The following MYT1L variants were observed in gnomAD, a reference collection of about 807,000 sequenced individuals.
MYT1L encodes myelin transcription factor 1-like protein.
In MYT1L, 12 loss-of-function variants were observed where a neutral mutation model predicts 126.7. The ratio of observed to expected loss-of-function variants is 0.09; its 90% CI spans 0.06 to 0.15. MYT1L has a LOEUF of 0.15. MYT1L is among the 10% of genes least tolerant of loss of function. The pLI is 1.00. For synonymous variants in MYT1L, 541 were observed against 604.2 expected (o/e 0.90, Z 1.53); for missense variants, 979 against 1,585.2 (o/e 0.62, Z 6.49).
chr2:1,872,101 T>G (rs1422024520), intron 18 of MYT1L, among the ~76,000 whole-genome samples: 1 of 152,142 alleles, frequency 6.6e-6, no homozygotes, highest in Non-Finnish European at 1.5e-5. Context: ...AGTCTAATCT[T>G]CTGTAAAAGA....
chr2:1,959,612 G>A (rs961853031), intron 8 of MYT1L, among the ~76,000 whole-genome samples: 5 of 152,192 alleles, frequency 3.3e-5, no homozygotes, highest in African/African-American at 1.2e-4. Flanking sequence ...GTCAGCAGGA[G>A]GGTCTCCTCC....
At chr2:2,218,467 C>T (rs1466930043) in intron 2 of MYT1L, among the ~76,000 whole-genome samples, 1 of 152,114 alleles carries the variant, frequency 6.6e-6, no homozygotes, top group East Asian at 1.9e-4. Flanking sequence ...ACAGGAAAAA[C>T]TACATACTAT....
chr2:2,271,400 T>C (rs769975601), intron 2 of MYT1L, among the ~76,000 whole-genome samples: 1 of 152,170 alleles, frequency 6.6e-6, no homozygotes, highest in Non-Finnish European at 1.5e-5. Flanking sequence ...TGTGATATGA[T>C]AAAGGATGGC....
rs1487141299 is a variant in MYT1L, at chr2:1,943,112, C to T, written c.375G>A (p.Glu125=). ...CCTCCTCCTCCTCCCGGTCCCCCTC[C>T]TCGTCCTCCTCGTCCTCATCCCCTG... ...DEPGDEDEED[E]EGDREEEEEI... is the part of the protein sequence containing the mutation. Residue 125 remains glutamate (E), a synonymous_variant, in exon 9 of 25, where the codon GAG becomes GAA. Coordinates refer to ENST00000647738, the MANE Select transcript of MYT1L (RefSeq NM_001303052.2). The surrounding 1 kb of genome is among the most constrained non-coding windows in gnomAD (Gnocchi z 4.4). 6.7e-7 allele frequency: 1 copy of T among 1,489,276 alleles called. No individual in the cohort carries two copies. Among genetic ancestry groups the T allele is most frequent in the South Asian group, 1.2e-5 (1 of 82,734 alleles). The allele number at this position is 1,489,276 out of a possible 1,614,324, so 92.3% of individuals were successfully genotyped here.
At chr2:2,139,534 G>A (rs929917428) in intron 3 of MYT1L, among the ~76,000 whole-genome samples, 2 of 152,076 alleles carry the variant, frequency 1.3e-5, no homozygotes, top group Non-Finnish European at 2.9e-5. Context: ...AGCTACTCGG[G>A]AGGCTGAGGC....
chr2:1,979,591 T>C lies in MYT1L; in HGVS notation c.56-37A>G. 6.2e-7 allele frequency: 1 copy of C among 1,610,454 alleles called. No homozygotes were observed. Among genetic ancestry groups the C allele is most frequent in the Non-Finnish European group, 8.5e-7 (1 of 1,176,696 alleles). On this transcript the variant is annotated intron_variant, in intron 6 of 24. Transcript: ENST00000647738. This position sits in a 1 kb window ranked among gnomAD's most constrained non-coding sequence, Gnocchi z 4.0. Reference sequence around the variant, plus strand: ...TGGAAATAGATAAAAATTTACCATCTATCACAAGCGACCCTCTTCCACAGA... The same window carrying C: ...TGGAAATAGATAAAAATTTACCATCCATCACAAGCGACCCTCTTCCACAGA...
At chr2:1,927,118 G>C (rs934919652) in intron 9 of MYT1L, among the ~76,000 whole-genome samples, 2 of 152,168 alleles carry the variant, frequency 1.3e-5, no homozygotes, top group African/African-American at 4.8e-5. Flanking sequence ...CTGACCGCTG[G>C]GTGGACTCAC....
chr2:2,193,420 A>G (rs554349556), intron 2 of MYT1L, among the ~76,000 whole-genome samples: 3 of 152,198 alleles, frequency 2.0e-5, no homozygotes, highest in Admixed American at 1.3e-4. Flanking sequence ...CAGCAAAGTC[A>G]TGTGCCCTGG....
rs1291991448 is a variant in MYT1L at position 1,818,052 on chromosome 2, A to G, written c.3081-8885T>C. Among the ~76,000 whole-genome samples the G allele has an allele frequency of 3.4e-5, 5 of 147,364 alleles. No homozygotes were observed. In the East Asian group the frequency reaches 1.1e-3, roughly 31 times the overall value. On this transcript the variant is annotated intron_variant, in intron 21 of 24. Coordinates refer to ENST00000647738, the MANE Select transcript of MYT1L (RefSeq NM_001303052.2). Reference sequence around the variant, plus strand: ...AGATGAAGGTTCCAGCGAAAGCTTTAGAAGGGCTTCAAACCGAGCTCCGGG... The same window carrying G: ...AGATGAAGGTTCCAGCGAAAGCTTTGGAAGGGCTTCAAACCGAGCTCCGGG...
At chr2:1,868,467 T>G (rs2045874222) in intron 18 of MYT1L, among the ~76,000 whole-genome samples, 2 of 152,104 alleles carry the variant, frequency 1.3e-5, no homozygotes, top group Non-Finnish European at 2.9e-5. Flanking sequence ...AAGAAACCCT[T>G]GATAATTGGG....
chr2:2,311,813 G>C (rs1314157468), intron 1 of MYT1L, among the ~76,000 whole-genome samples: 1 of 152,196 alleles, frequency 6.6e-6, no homozygotes, highest in Non-Finnish European at 1.5e-5. Context: ...ACTTGAAACA[G>C]TCACTTCAGC....
At chr2:1,956,199 A>G (rs79138995) in intron 8 of MYT1L, among the ~76,000 whole-genome samples, 7,445 of 133,986 alleles carry the variant, frequency 0.056, 766 homozygotes, top group African/African-American at 0.2. Flanking sequence ...CTGTCTATCT[A>G]TCTATCTATC....
Position 2,095,690 on chromosome 2 carries a change from G to A in MYT1L, c.-303-41567C>T, listed in dbSNP as rs957135548. On this transcript the variant is annotated intron_variant, in intron 3 of 24. Transcript: ENST00000647738. ...TCTCTCTGCAATCTATGGGCCAAAG[G>A]GTTTTTGACAGGACACCACCATCCT... is the stretch of plus-strand genomic sequence containing the variant. 3.9e-5 allele frequency among the ~76,000 whole-genome samples: 6 copies of A among 152,030 alleles called. 1 individual carries two copies. The South Asian group carries it at 1.2e-3, about 32-fold the overall frequency.
chr2:2,122,123 A>G (rs1025062103), intron 3 of MYT1L, among the ~76,000 whole-genome samples: 3 of 152,204 alleles, frequency 2.0e-5, no homozygotes, highest in Non-Finnish European at 2.9e-5. Context: ...CACACTATCC[A>G]ATGTGACTAG....
chr2:1,830,267 C>T (rs866527920), intron 21 of MYT1L, among the ~76,000 whole-genome samples: 2 of 152,190 alleles, frequency 1.3e-5, no homozygotes, highest in Non-Finnish European at 2.9e-5. Flanking sequence ...GGACCCCAGG[C>T]AGGAAGTTCT....
rs1168641010 is a variant in MYT1L at position 2,298,120 on chromosome 2, G to A, written c.-520-13617C>T. Among the ~76,000 whole-genome samples, 3 of 152,012 alleles carry A rather than the reference G, an allele frequency of 2.0e-5. No individual in the cohort carries two copies. The East Asian group carries it at 5.8e-4, about 29-fold the overall frequency. ...TTCTCTGATTAAGCCTGGCTTTTAT[G>A]AAGCCTGGCTTTTATTTTTGGGCTG... On this transcript the variant is annotated intron_variant, in intron 1 of 24. Coordinates refer to ENST00000647738, the MANE Select transcript of MYT1L (RefSeq NM_001303052.2).
At chr2:1,994,119 T>G (rs1046457017) in intron 5 of MYT1L, among the ~76,000 whole-genome samples, 18 of 152,230 alleles carry the variant, frequency 1.2e-4, no homozygotes, top group African/African-American at 4.3e-4. Context: ...CATAAACGTT[T>G]TCGGTCATTC....
Position 1,840,857 on chromosome 2 carries a change from A to C in MYT1L, c.2775-14T>G. On this transcript the variant is annotated splice_polypyrimidine_tract_variant and intron_variant, in intron 19 of 24. Transcript: ENST00000647738. ...CAACCTGAAAGGCTAAATAAGAAACACATTTCAGAAAGCACCCCACACCGT... is the reference window on the plus strand; with the variant it reads ...CAACCTGAAAGGCTAAATAAGAAACCCATTTCAGAAAGCACCCCACACCGT... The C allele has an allele frequency of 6.5e-7, 1 of 1,531,240 alleles. No homozygotes were observed. Among genetic ancestry groups the C allele is most frequent in the South Asian group, 1.2e-5 (1 of 83,478 alleles). 94.9% of individuals were successfully genotyped at this position (1,531,240 alleles called of 1,614,324 possible).
chr2:1,949,552 C>A (rs74169692), intron 8 of MYT1L, among the ~76,000 whole-genome samples: 4,038 of 152,372 alleles, frequency 0.027, 68 homozygotes, highest in Non-Finnish European at 0.042. Flanking sequence ...CCCTCACAAA[C>A]TCATACACAT....
Sources: allele counts gnomAD v4.1 joint callset (sites outside exome capture counted in the v4.1 genomes callset), GRCh38; gene constraint gnomAD v4.1.1; non-coding constraint Gnocchi (gnomAD v3.1); transcripts MANE v1.5; gene names NCBI Gene and HGNC (gene_info 2026-07-23, HGNC 2026-07-21).